The following SWT1 variants were observed in gnomAD, a reference collection of about 807,000 sequenced individuals.
SWT1 encodes the protein transcriptional protein SWT1.
SWT1 carries 33 observed loss-of-function variants against 107.3 expected under a neutral mutation model. That is an observed-to-expected ratio of 0.31 (90% CI 0.23 to 0.41). The LOEUF is 0.41. SWT1 is among the 10% of genes least tolerant of loss of function. SWT1 has a pLI of 1.00. For synonymous variants in SWT1, 345 were observed against 348.3 expected, an observed-to-expected ratio of 0.99 and a Z score of 0.11; for missense variants, 898 against 1,028.9, an observed-to-expected ratio of 0.87 and a Z score of 1.74.
At chr1:185,195,019 T>G (rs1362155736) in intron 10 of SWT1, among the ~76,000 whole-genome samples, 1 of 152,166 alleles carries the variant, frequency 6.6e-6, no homozygotes, top group African/African-American at 2.4e-5. Context: ...ATTATTATAC[T>G]TTCAGTTCTG....
At chr1:185,263,587 A>C (rs571769406) in intron 16 of SWT1, 120 of 152,302 alleles carry the variant, frequency 7.9e-4, no homozygotes, top group African/African-American at 2.8e-3. Context: ...AAATTTTTTG[A>C]AGGTGGTTTC....
At chr1:185,169,958 T>C (rs1654908052) in intron 4 of SWT1, among the ~76,000 whole-genome samples, 1 of 152,070 alleles carries the variant, frequency 6.6e-6, no homozygotes, top group Non-Finnish European at 1.5e-5. Context: ...AACTGCCTTC[T>C]CTGAAGGCAG....
chr1:185,227,113 A>G (rs1472992935), intron 15 of SWT1: 26 of 1,229,612 alleles, frequency 2.1e-5, no homozygotes, highest in Non-Finnish European at 2.6e-5. Flanking sequence ...ATGTGCTTCC[A>G]GTGTACTTCT....
chr1:185,210,602 C>G (rs1300059497), intron 13 of SWT1, among the ~76,000 whole-genome samples: 1 of 152,098 alleles, frequency 6.6e-6, no homozygotes, highest in Non-Finnish European at 1.5e-5. Flanking sequence ...ACTGAATGGG[C>G]AAAAGATGGA....
At chr1:185,228,204 C>T (rs1165693954) in intron 15 of SWT1, among the ~76,000 whole-genome samples, 1 of 136,026 alleles carries the variant, frequency 7.4e-6, no homozygotes, top group African/African-American at 3.0e-5. Flanking sequence ...TATATATACT[C>T]AGTATGTTTT....
At chr1:185,259,809 A>G (rs1246128044) in intron 16 of SWT1, among the ~76,000 whole-genome samples, 1 of 152,194 alleles carries the variant, frequency 6.6e-6, no homozygotes, top group East Asian at 1.9e-4. Flanking sequence ...TGTCAGCATA[A>G]TAAAGTTATC....
At chr1:185,249,215 A>C (rs1034995205) in intron 16 of SWT1, among the ~76,000 whole-genome samples, 3 of 152,166 alleles carry the variant, frequency 2.0e-5, no homozygotes, top group African/African-American at 7.2e-5. Context: ...CTGGTTTCCA[A>C]GAGTGTCCCA....
At position 185,180,341 on chromosome 1, in the gene SWT1, C is replaced by G. The variant is rs771106290; in HGVS notation, c.967-50C>G. 4.8e-6 allele frequency: 7 copies of G among 1,457,334 alleles called. No homozygotes were observed. The Admixed American group carries it at 8.4e-5, about 17-fold the overall frequency. The allele number at this position is 1,457,334 out of a possible 1,614,324, so 90.3% of individuals were successfully genotyped here. On this transcript the variant is annotated intron_variant, in intron 5 of 18. Transcript: ENST00000367500. ...TTAATAGTGACAAGGTTGAAAAACC[C>G]TATTTAGGTTATGCTTTATTCTTAG...
chr1:185,254,796 T>A (rs1444531927), intron 16 of SWT1, among the ~76,000 whole-genome samples: 1 of 150,288 alleles, frequency 6.7e-6, no homozygotes, highest in African/African-American at 2.4e-5. Context: ...CTGCTCTGAT[T>A]TTAGTTATTT....
intron 16 of SWT1, among the ~76,000 whole-genome samples, chr1:185,255,271 A>C (rs1362443653): frequency 6.7e-6 from 1 of 150,128 alleles, no homozygotes; most frequent in Non-Finnish European, 1.5e-5. Context: ...TTTGGGGTGG[A>C]GAGTTCTGTA....
chr1:185,177,403 A>G (rs1047814655), intron 5 of SWT1, among the ~76,000 whole-genome samples: 2 of 152,198 alleles, frequency 1.3e-5, no homozygotes, highest in Admixed American at 1.3e-4. Flanking sequence ...ACATAGCAAG[A>G]ATATTAAGTT....
At chr1:185,166,281 C>G (rs1480274629) in intron 2 of SWT1, among the ~76,000 whole-genome samples, 4 of 152,196 alleles carry the variant, frequency 2.6e-5, no homozygotes. Context: ...AAGACTGACT[C>G]TCACCATGGC....
chr1:185,276,886 G>A (rs912235630), intron 18 of SWT1, among the ~76,000 whole-genome samples: 4 of 151,894 alleles, frequency 2.6e-5, no homozygotes, highest in Admixed American at 6.6e-5. Context: ...CAATTTTTTG[G>A]CCTCAAGACT....
At chr1:185,242,545 A>G (rs149361105) in intron 16 of SWT1, among the ~76,000 whole-genome samples, 40 of 152,302 alleles carry the variant, frequency 2.6e-4, no homozygotes, top group African/African-American at 9.6e-4. Context: ...AGTTATTCCC[A>G]TCGCCCCTAG....
At chr1:185,233,410 T>C (rs1241058565) in intron 16 of SWT1, among the ~76,000 whole-genome samples, 1 of 152,222 alleles carries the variant, frequency 6.6e-6, no homozygotes, top group Non-Finnish European at 1.5e-5. Context: ...CAATTTTAGA[T>C]CTTTCCTGCT....
chr1:185,206,885 T>C, intron 13 of SWT1, 122 bp downstream of exon 13: 1 of 650,386 alleles, frequency 1.5e-6, no homozygotes. Context: ...TCATTTATAC[T>C]TCTAATTTAT....
chr1:185,214,520 G>T lies in SWT1; in HGVS notation c.1986G>T (p.Val662=). The T allele has an allele frequency of 6.2e-7, 1 of 1,609,310 alleles. No individual in the cohort carries two copies. Among genetic ancestry groups the T allele is most frequent in the Non-Finnish European group, 8.5e-7 (1 of 1,178,026 alleles). ...TTCTGTTACCAGCTAATAAGGCAGT[G>T]GATTTTACAACAGTCAAATTCTTGC... ...YKNLRKANKA[V]DFTTVKFLLQ... is the part of the protein sequence containing the mutation. Residue 662 remains valine (V), a synonymous_variant, in exon 14 of 19, where the codon GTG becomes GTT. Coordinates refer to ENST00000367500, the MANE Select transcript of SWT1 (RefSeq NM_017673.7).
chr1:185,165,610 G>A (rs1654502471), intron 2 of SWT1, among the ~76,000 whole-genome samples: 1 of 152,126 alleles, frequency 6.6e-6, no homozygotes, highest in Admixed American at 6.5e-5. Flanking sequence ...TAAAATATAA[G>A]TACAATCATG....
intron 9 of SWT1, among the ~76,000 whole-genome samples, chr1:185,185,384 T>G (rs1656383448): frequency 6.6e-6 from 1 of 152,184 alleles, no homozygotes; most frequent in African/African-American, 2.4e-5. Flanking sequence ...GATTTTCCCC[T>G]CATTTAATTT....
Sources: allele counts gnomAD v4.1 joint callset (sites outside exome capture counted in the v4.1 genomes callset), GRCh38; gene constraint gnomAD v4.1.1; transcripts MANE v1.5; gene names NCBI Gene and HGNC (gene_info 2026-07-23, HGNC 2026-07-21).